CYYR1: variants seen among roughly 807,000 people sequenced by gnomAD.
CYYR1 encodes the protein cysteine and tyrosine rich 1, also known as cysteine and tyrosine-rich protein 1.
In CYYR1, 14 loss-of-function variants were observed where a neutral mutation model predicts 15.2. The observed-to-expected ratio is 0.92, with a 90% CI of 0.61 to 1.44. The LOEUF (loss-of-function observed/expected upper bound fraction) is 1.44, where lower values mean the gene tolerates loss of function less well. Ranked by LOEUF, CYYR1 falls within the 40% of genes most tolerant of loss-of-function variation. The pLI is 0.00. For missense variants in CYYR1, 228 were observed against 209.5 expected (o/e 1.09, Z -0.54); for synonymous variants, 80 against 77.4 (o/e 1.03, Z -0.18).
At chr21:26,494,779 T>C (rs9978736) in intron 2 of CYYR1, among the ~76,000 whole-genome samples, 22,747 of 151,462 alleles carry the variant, frequency 0.15, 2,229 homozygotes, top group Non-Finnish European at 0.22. Context: ...AAAAATCAGA[T>C]GTATTTTTAG....
chr21:26,535,914 T>C (rs1197610372), intron 2 of CYYR1, among the ~76,000 whole-genome samples: 1 of 152,094 alleles, frequency 6.6e-6, no homozygotes, highest in Non-Finnish European at 1.5e-5. Context: ...GAGAAAGAGG[T>C]GTATTAGTCT....
intron 2 of CYYR1, among the ~76,000 whole-genome samples, chr21:26,561,581 A>G (rs1313092493): frequency 1.3e-5 from 2 of 152,212 alleles, no homozygotes; most frequent in African/African-American, 4.8e-5. Flanking sequence ...AGAAGAAAAG[A>G]AATTTAATCT....
At chr21:26,553,266 T>G (rs1341454873) in intron 2 of CYYR1, among the ~76,000 whole-genome samples, 1 of 151,784 alleles carries the variant, frequency 6.6e-6, no homozygotes, top group East Asian at 1.9e-4. Context: ...TGCTTCCAAA[T>G]TTTTTTTCTT....
intron 2 of CYYR1, among the ~76,000 whole-genome samples, chr21:26,546,395 C>T (rs185684634): frequency 1.1e-4 from 17 of 152,314 alleles, no homozygotes; most frequent in Non-Finnish European, 1.6e-4. Context: ...ATCACACATT[C>T]ATGTTGGCAT....
chr21:26,536,923 C>A (rs2123629227), intron 2 of CYYR1, among the ~76,000 whole-genome samples: 1 of 152,224 alleles, frequency 6.6e-6, no homozygotes, highest in South Asian at 2.1e-4. Flanking sequence ...TGTGCCAGGC[C>A]CAGATAGAGA....
At chr21:26,526,110 C>G (rs546035535) in intron 2 of CYYR1, among the ~76,000 whole-genome samples, 27 of 152,184 alleles carry the variant, frequency 1.8e-4, no homozygotes, top group African/African-American at 6.0e-4. Flanking sequence ...CAAACCCCCA[C>G]GACACAAGTT....
chr21:26,507,347 T>C (rs1366768821), intron 2 of CYYR1, among the ~76,000 whole-genome samples: 1 of 152,174 alleles, frequency 6.6e-6, no homozygotes, highest in Non-Finnish European at 1.5e-5. Context: ...GAGCCAAATA[T>C]AAACACTAAA....
At chr21:26,478,199 G>A (rs2065127801) in intron 3 of CYYR1, 2 of 1,536,982 alleles carry the variant, frequency 1.3e-6, no homozygotes, top group Non-Finnish European at 1.8e-6. Context: ...ACGATATCTT[G>A]GAAGATTAAA....
At chr21:26,484,062 A>G (rs929053416) in intron 2 of CYYR1, among the ~76,000 whole-genome samples, 1 of 152,128 alleles carries the variant, frequency 6.6e-6, no homozygotes, top group African/African-American at 2.4e-5. Context: ...CATAGTCAGA[A>G]ATTTTCAGAT....
chr21:26,535,523 C>T (rs182160015), intron 2 of CYYR1, among the ~76,000 whole-genome samples: 53 of 152,256 alleles, frequency 3.5e-4, no homozygotes, highest in South Asian at 8.3e-4. Context: ...TCCTTCTATT[C>T]GTTTGAATAG....
At chr21:26,498,679 T>C (rs1049345957) in intron 2 of CYYR1, among the ~76,000 whole-genome samples, 4 of 152,208 alleles carry the variant, frequency 2.6e-5, no homozygotes, top group African/African-American at 9.6e-5. Context: ...TATCCAAGAC[T>C]GGGTAATTTA....
At chr21:26,485,135 T>C (rs886350098) in intron 2 of CYYR1, among the ~76,000 whole-genome samples, 1 of 152,084 alleles carries the variant, frequency 6.6e-6, no homozygotes, top group Non-Finnish European at 1.5e-5. Context: ...TTTCAGGGAA[T>C]GTATTTTTTT....
intron 2 of CYYR1, among the ~76,000 whole-genome samples, chr21:26,514,583 C>G (rs376465810): frequency 4.6e-5 from 7 of 152,170 alleles, no homozygotes; most frequent in African/African-American, 1.2e-4. Flanking sequence ...ATAAATTACT[C>G]GGCCTCAGCT....
At chr21:26,477,879 T>A in intron 3 of CYYR1, 1 of 1,272,006 alleles carries the variant, frequency 7.9e-7, no homozygotes, top group Non-Finnish European at 9.9e-7. Context: ...CCAACATCTT[T>A]ACAGTAACCC....
rs192589721 is a variant in CYYR1, at chr21:26,509,028, C to T, written c.177-28599G>A. ...CATAAATCTGCTTTTAGAAAACAGT[C>T]CTCTAAAAATAGAAATCAAACCATA... On this transcript the variant is annotated intron_variant, in intron 2 of 3. Coordinates refer to ENST00000652641, the MANE Select transcript of CYYR1 (RefSeq NM_001320768.2). Among the ~76,000 whole-genome samples, 32 of 152,290 alleles carry T rather than the reference C, an allele frequency of 2.1e-4. No homozygotes were observed. The East Asian group carries it at 6.0e-3, about 29-fold the overall frequency.
At chr21:26,472,547 G>A (rs1212571665) in intron 3 of CYYR1, among the ~76,000 whole-genome samples, 1 of 151,954 alleles carries the variant, frequency 6.6e-6, no homozygotes. Context: ...ATAACAGCTA[G>A]GTTTGACACT....
chr21:26,499,454 G>A (rs1382045594), intron 2 of CYYR1, among the ~76,000 whole-genome samples: 1 of 152,190 alleles, frequency 6.6e-6, no homozygotes, highest in Non-Finnish European at 1.5e-5. Context: ...CAGACTTCTG[G>A]TCCCCAGAAC....
chr21:26,557,317 A>G (rs969868731), intron 2 of CYYR1, among the ~76,000 whole-genome samples: 1 of 152,174 alleles, frequency 6.6e-6, no homozygotes, highest in African/African-American at 2.4e-5. Context: ...AGATTATATG[A>G]ACAGATATGA....
chr21:26,481,636 G>A (rs1304389912), intron 2 of CYYR1, among the ~76,000 whole-genome samples: 1 of 151,950 alleles, frequency 6.6e-6, no homozygotes, highest in Non-Finnish European at 1.5e-5. Context: ...TCACTGATGG[G>A]CATTTAGGTT....
Sources: gnomAD v4.1 joint callset for allele counts (sites outside exome capture counted in the v4.1 genomes callset) on GRCh38, gnomAD v4.1.1 for gene constraint, MANE v1.5 for transcripts, NCBI Gene and HGNC (gene_info 2026-07-23, HGNC 2026-07-21) for gene names.